LAMP3: variants seen among roughly 807,000 people sequenced by gnomAD.
The protein encoded by LAMP3 is lysosome-associated membrane glycoprotein 3.
LAMP3 carries 26 observed loss-of-function variants against 34.8 expected under a neutral mutation model. The ratio of observed to expected loss-of-function variants is 0.75; its 90% CI spans 0.55 to 1.04. The LOEUF (loss-of-function observed/expected upper bound fraction) is 1.04. Among genes scored for constraint, LAMP3 ranks in the 50% least tolerant of loss-of-function variants. The pLI, the probability that LAMP3 is intolerant of heterozygous loss-of-function variation, is 0.00. For missense variants in LAMP3, 495 were observed against 524.0 expected, an observed-to-expected ratio of 0.94 and a Z score of 0.54; for synonymous variants, 180 against 201.9, an observed-to-expected ratio of 0.89 and a Z score of 0.92.
intron 5 of LAMP3, among the ~76,000 whole-genome samples, chr3:183,125,955 A>G (rs1234784997): frequency 6.6e-6 from 1 of 152,136 alleles, no homozygotes; most frequent in Non-Finnish European, 1.5e-5. Flanking sequence ...GGCGTGAGCC[A>G]CCACACTTGG....
intron 5 of LAMP3, chr3:183,133,071 G>A (rs1354423005): frequency 1.1e-5 from 4 of 350,998 alleles, no homozygotes; most frequent in Admixed American, 1.3e-4. Context: ...AGATGGAGCT[G>A]TTGGGGCTCA....
rs562654231 is a variant in LAMP3 at position 183,145,387 on chromosome 3, A to C, written c.889-4792T>G. Among the ~76,000 whole-genome samples, 351 of 152,308 alleles carry C rather than the reference A, an allele frequency of 2.3e-3. 3 individuals carry two copies. Among genetic ancestry groups the C allele is most frequent in the South Asian group, 6.6e-3 (32 of 4,826 alleles). On this transcript the variant is annotated intron_variant, in intron 3 of 5. Coordinates refer to ENST00000265598, the MANE Select transcript of LAMP3 (RefSeq NM_014398.4). ...GCACACTCTCATGGCAGCCCAGCAA[A>C]ATAAGCACTCGTTGGCTCCATCTTA...
chr3:183,132,132 A>G, intron 5 of LAMP3: 1 of 985,398 alleles, frequency 1.0e-6, no homozygotes, highest in Non-Finnish European at 1.2e-6. Flanking sequence ...AAGGCAGACA[A>G]CACATGAAAT....
At chr3:183,145,037 G>C (rs1720399142) in intron 3 of LAMP3, among the ~76,000 whole-genome samples, 1 of 152,214 alleles carries the variant, frequency 6.6e-6, no homozygotes, top group South Asian at 2.1e-4. Context: ...GCCAGGGCTG[G>C]AGACCTAGAG....
chr3:183,138,488 C>T (rs1372962213), intron 4 of LAMP3, among the ~76,000 whole-genome samples: 5 of 152,162 alleles, frequency 3.3e-5, no homozygotes, highest in African/African-American at 1.2e-4. Flanking sequence ...GACATGAAAA[C>T]TCTTAGTACG....
intron 4 of LAMP3, among the ~76,000 whole-genome samples, chr3:183,136,937 G>C (rs533637930): frequency 3.3e-5 from 5 of 152,190 alleles, no homozygotes; most frequent in African/African-American, 1.2e-4. Context: ...GAGCCCAGGA[G>C]TTCGAGGTTG....
chr3:183,142,804 GCCATGTGTTCAAAAAT>G (rs1314516642), intron 3 of LAMP3, among the ~76,000 whole-genome samples: 61 of 152,218 alleles, frequency 4.0e-4, no homozygotes, highest in African/African-American at 1.4e-3. Flanking sequence ...AAAGTGCCGG[GCCATGTGTTCAAAAAT>G]CAAGAATTTC....
intron 3 of LAMP3, among the ~76,000 whole-genome samples, chr3:183,147,139 G>T (rs1484247690): frequency 6.6e-6 from 1 of 151,854 alleles, no homozygotes; most frequent in Non-Finnish European, 1.5e-5. Context: ...GCTACTCGGG[G>T]GACTGAGGCA....
At chr3:183,162,279 G>A (rs1015282394) in intron 1 of LAMP3, among the ~76,000 whole-genome samples, 9 of 152,096 alleles carry the variant, frequency 5.9e-5, no homozygotes, top group Non-Finnish European at 1.2e-4. Context: ...AAGCAAGACA[G>A]GAGCGCTTTT....
chr3:183,127,497 G>A (rs1169377381), intron 5 of LAMP3, among the ~76,000 whole-genome samples: 1 of 151,454 alleles, frequency 6.6e-6, no homozygotes, highest in East Asian at 1.9e-4. Context: ...TTTTTAAAAA[G>A]TAAACTGATT....
chr3:183,144,461 G>T (rs1018890400), intron 3 of LAMP3, among the ~76,000 whole-genome samples: 1 of 151,982 alleles, frequency 6.6e-6, no homozygotes, highest in African/African-American at 2.4e-5. Flanking sequence ...GGGGAAGGGG[G>T]AATTTCACAG....
At chr3:183,144,973 C>A (rs1167960399) in intron 3 of LAMP3, among the ~76,000 whole-genome samples, 1 of 152,152 alleles carries the variant, frequency 6.6e-6, no homozygotes, top group Non-Finnish European at 1.5e-5. Flanking sequence ...CCTCAGTCGG[C>A]CAGTGCACTG....
intron 1 of LAMP3, among the ~76,000 whole-genome samples, chr3:183,157,349 A>T (rs1720850747): frequency 6.6e-6 from 1 of 152,220 alleles, no homozygotes; most frequent in Non-Finnish European, 1.5e-5. Flanking sequence ...CTGCACGTAG[A>T]ACTTTTATGC....
At chr3:183,154,968 A>G (rs146157300) in intron 1 of LAMP3, among the ~76,000 whole-genome samples, 19 of 152,252 alleles carry the variant, frequency 1.2e-4, no homozygotes, top group African/African-American at 4.6e-4. Flanking sequence ...AGGCTGGAGT[A>G]CAGTGGCACA....
chr3:183,160,884 C>T (rs1474688691), intron 1 of LAMP3: 2 of 152,082 alleles, frequency 1.3e-5, no homozygotes, highest in African/African-American at 2.4e-5. Flanking sequence ...TAAAGCACTG[C>T]GAACAGTGCC....
At chr3:183,145,069 G>A (rs1025377561) in intron 3 of LAMP3, among the ~76,000 whole-genome samples, 1 of 152,190 alleles carries the variant, frequency 6.6e-6, no homozygotes, top group Non-Finnish European at 1.5e-5. Context: ...AAGGGGTGGA[G>A]GAGAAAGGGA....
intron 5 of LAMP3, chr3:183,132,490 C>T: frequency 1.0e-6 from 1 of 984,812 alleles, no homozygotes; most frequent in Non-Finnish European, 1.2e-6. Flanking sequence ...ACAATTCTCC[C>T]TCCGGGTTTT....
chr3:183,162,870 C>A (rs540192548), upstream of LAMP3: 4 of 524,320 alleles, frequency 7.6e-6, no homozygotes, highest in Non-Finnish European at 1.3e-5. Flanking sequence ...GCGCAGCCGC[C>A]GGGGCCCGGG....
intron 2 of LAMP3, 143 bp downstream of exon 2, chr3:183,153,538 TA>T (rs1388245712): frequency 7.4e-6 from 4 of 544,006 alleles, no homozygotes; most frequent in Non-Finnish European, 1.3e-5. Context: ...AATCACCTTT[TA>T]ATGGAGCACC....
Sources: allele counts gnomAD v4.1 joint callset (sites outside exome capture counted in the v4.1 genomes callset), GRCh38; gene constraint gnomAD v4.1.1; transcripts MANE v1.5; gene names NCBI Gene and HGNC (gene_info 2026-07-23, HGNC 2026-07-21).